CUX1: variants seen among roughly 807,000 people sequenced by gnomAD.
CUX1 encodes the protein cut like homeobox 1, also known as protein CASP.
Under a neutral mutation model 158.8 loss-of-function variants are expected in CUX1, and 31 were observed. The ratio of observed to expected loss-of-function variants is 0.20; its 90% CI spans 0.15 to 0.26. CUX1 has a LOEUF of 0.26. Among genes scored for constraint, CUX1 ranks in the 10% least tolerant of loss-of-function variants. The pLI is 1.00. For synonymous variants in CUX1, 879 were observed against 862.1 expected (o/e 1.02, Z -0.34); for missense variants, 1,589 against 2,014.6 (o/e 0.79, Z 4.04).
intron 1 of CUX1, among the ~76,000 whole-genome samples, chr7:101,909,870 G>A (rs1384362758): frequency 6.6e-6 from 1 of 152,208 alleles, no homozygotes; most frequent in Non-Finnish European, 1.5e-5. Flanking sequence ...ATCTCAGTGG[G>A]AAATGGTGGG....
chr7:102,030,483 C>T (rs942127811), intron 3 of CUX1, among the ~76,000 whole-genome samples: 57 of 151,910 alleles, frequency 3.8e-4, no homozygotes, highest in African/African-American at 1.4e-3. Flanking sequence ...GAATTATTAG[C>T]ATTCTCCTAC....
At chr7:102,107,215 C>T (rs1042440042) in intron 6 of CUX1, among the ~76,000 whole-genome samples, 1 of 150,732 alleles carries the variant, frequency 6.6e-6, no homozygotes, top group Admixed American at 6.6e-5. Flanking sequence ...ACATGGGTAA[C>T]AGAGCAAGAC....
chr7:101,835,175 G>A (rs1379858110), intron 1 of CUX1, among the ~76,000 whole-genome samples: 1 of 151,738 alleles, frequency 6.6e-6, no homozygotes, highest in African/African-American at 2.4e-5. Context: ...TGTACCCCCG[G>A]CACCCCGTAA....
At chr7:101,990,394 TG>T (rs1461115392) in intron 2 of CUX1, among the ~76,000 whole-genome samples, 2 of 150,846 alleles carry the variant, frequency 1.3e-5, no homozygotes, top group Non-Finnish European at 2.9e-5. Context: ...TTGTTTGTTT[TG>T]TTTTTTTGAG....
chr7:102,267,853 A>C (rs560190273), intron 14 of CUX1, among the ~76,000 whole-genome samples: 5 of 152,222 alleles, frequency 3.3e-5, no homozygotes, highest in African/African-American at 1.2e-4. Context: ...TTTTCTGTAG[A>C]GATGACGTTT....
intron 7 of CUX1, among the ~76,000 whole-genome samples, chr7:102,114,574 A>G (rs1831253922): frequency 6.6e-6 from 1 of 152,198 alleles, no homozygotes; most frequent in African/African-American, 2.4e-5. Flanking sequence ...AAATAATAAA[A>G]TACACCTTAA....
At chr7:101,917,822 C>CT (rs1463794272) in intron 2 of CUX1, among the ~76,000 whole-genome samples, 1 of 152,082 alleles carries the variant, frequency 6.6e-6, no homozygotes, top group African/African-American at 2.4e-5. Flanking sequence ...GACCATATGT[C>CT]TGAGGGTTTC....
chr7:102,074,242 G>A (rs1420290415), intron 4 of CUX1, among the ~76,000 whole-genome samples: 1 of 152,202 alleles, frequency 6.6e-6, no homozygotes, highest in Non-Finnish European at 1.5e-5. Context: ...TCTGCTAGTT[G>A]CAAGAGACAG....
chr7:102,220,685 A>C (rs1797716230), intron 20 of CUX1, among the ~76,000 whole-genome samples: 1 of 152,120 alleles, frequency 6.6e-6, no homozygotes, highest in African/African-American at 2.4e-5. Flanking sequence ...CCTGCCGTGC[A>C]TCCTTGTATC....
chr7:102,063,504 T>C (rs772854853), intron 3 of CUX1, among the ~76,000 whole-genome samples: 1 of 142,348 alleles, frequency 7.0e-6, no homozygotes, highest in African/African-American at 2.6e-5. Flanking sequence ...TTCTCCTGCC[T>C]CAGCCTCCCA....
intron 2 of CUX1, among the ~76,000 whole-genome samples, chr7:101,925,115 G>A (rs1288503827): frequency 1.3e-5 from 2 of 152,112 alleles, no homozygotes; most frequent in Admixed American, 1.3e-4. Context: ...TGACACAATG[G>A]GGCCTTTTTT....
At chr7:102,157,598 G>A (rs1789914354) in intron 8 of CUX1, among the ~76,000 whole-genome samples, 1 of 152,272 alleles carries the variant, frequency 6.6e-6, no homozygotes, top group South Asian at 2.1e-4. Context: ...TGGCCAACAT[G>A]GCAAAACCTT....
At chr7:101,884,087 G>T (rs1436027053) in intron 1 of CUX1, among the ~76,000 whole-genome samples, 3 of 151,168 alleles carry the variant, frequency 2.0e-5, no homozygotes, top group Admixed American at 6.6e-5. Flanking sequence ...TTGCTAGGGG[G>T]TCTCGCTGAC....
chr7:101,850,220 G>A (rs957213298), intron 1 of CUX1, among the ~76,000 whole-genome samples: 1 of 151,602 alleles, frequency 6.6e-6, no homozygotes, highest in Non-Finnish European at 1.5e-5. Flanking sequence ...CACCATGCCT[G>A]GTTTATTTCA....
intron 20 of CUX1, among the ~76,000 whole-genome samples, chr7:102,214,778 G>C (rs1796886153): frequency 6.6e-6 from 1 of 152,222 alleles, no homozygotes; most frequent in Non-Finnish European, 1.5e-5. Flanking sequence ...GATAGATTGG[G>C]AGCCAGGCAG....
intron 2 of CUX1, among the ~76,000 whole-genome samples, chr7:102,006,779 C>T (rs111291886): frequency 7.9e-5 from 12 of 152,306 alleles, no homozygotes; most frequent in African/African-American, 2.2e-4. Context: ...CAGTTTGTGA[C>T]GGGCAGATGT....
chr7:101,949,009 G>A lies in CUX1; in HGVS notation c.141+32784G>A, dbSNP rs1272999820. Among the ~76,000 whole-genome samples the A allele has an allele frequency of 3.3e-5, 5 of 152,296 alleles. No homozygotes were observed. The East Asian group carries it at 5.8e-4, about 18-fold the overall frequency. On this transcript the variant is annotated intron_variant, in intron 2 of 23. Transcript: ENST00000292535. ...AATGTTCATAGCAATTTAACGTGAC[G>A]GTGACATCCAAGTGGCATTTTAATT... is the stretch of plus-strand genomic sequence containing the variant.
At chr7:102,243,386 A>G (rs1554535606) in intron 23 of CUX1, among the ~76,000 whole-genome samples, 1 of 152,190 alleles carries the variant, frequency 6.6e-6, no homozygotes, top group East Asian at 1.9e-4. Flanking sequence ...ATGGGATCCA[A>G]GAGATGAGTT....
intron 1 of CUX1, among the ~76,000 whole-genome samples, chr7:101,819,917 A>G (rs1792284754): frequency 6.6e-6 from 1 of 152,196 alleles, no homozygotes; most frequent in Admixed American, 6.5e-5. Context: ...AAATAGTCCA[A>G]TACCTTCAGG....
Sources: gnomAD v4.1 joint callset for allele counts (sites outside exome capture counted in the v4.1 genomes callset) on GRCh38, gnomAD v4.1.1 for gene constraint, MANE v1.5 for transcripts, NCBI Gene and HGNC (gene_info 2026-07-23, HGNC 2026-07-21) for gene names.